The following PDE11A variants were observed in gnomAD, a reference collection of about 807,000 sequenced individuals.
The protein encoded by PDE11A is dual 3',5'-cyclic-AMP and -GMP phosphodiesterase 11A.
PDE11A carries 100 observed loss-of-function variants against 100.5 expected under a neutral mutation model. The ratio of observed to expected loss-of-function variants is 1.00; its 90% confidence interval spans 0.85 to 1.18. The LOEUF (loss-of-function observed/expected upper bound fraction) is 1.18. Among genes scored for constraint, PDE11A ranks in the 50% most tolerant of loss-of-function variants. PDE11A has a pLI of 0.00. For synonymous variants in PDE11A, 381 were observed against 420.8 expected, an observed-to-expected ratio of 0.91 and a Z score of 1.16; for missense variants, 1,141 against 1,152.6, an observed-to-expected ratio of 0.99 and a Z score of 0.15.
At chr2:177,746,150 C>T (rs1424260227) in intron 10 of PDE11A, among the ~76,000 whole-genome samples, 1 of 152,146 alleles carries the variant, frequency 6.6e-6, no homozygotes, top group Non-Finnish European at 1.5e-5. Context: ...ATCATCATCA[C>T]ATCTAAGGGT....
chr2:177,722,105 A>T (rs2081537536), intron 12 of PDE11A, among the ~76,000 whole-genome samples: 1 of 152,166 alleles, frequency 6.6e-6, no homozygotes, highest in Non-Finnish European at 1.5e-5. Flanking sequence ...GTTTACCAAC[A>T]TCATAAAAAT....
At chr2:178,085,511 C>T (rs1427322679) in intron 2 of PDE11A, among the ~76,000 whole-genome samples, 2 of 149,784 alleles carry the variant, frequency 1.3e-5, no homozygotes, top group Non-Finnish European at 3.0e-5. Context: ...TGCACATGTA[C>T]CCTATGTACC....
rs570151314 is a variant in PDE11A, at chr2:177,998,688, T to G, written c.1071+15614A>C. The G allele has an allele frequency of 3.4e-6, 4 of 1,172,512 alleles. No individual in the cohort carries two copies. In the Admixed American group the frequency reaches 6.8e-5, roughly 20 times the overall value. 72.6% of individuals were successfully genotyped at this position (1,172,512 alleles called of 1,614,324 possible). ...TTTCACACCATCCAGTATCACTTGA[T>G]AGGCATCTTTATGCTGGCCCACTCG... is the stretch of plus-strand genomic sequence containing the variant. On this transcript the variant is annotated intron_variant, in intron 2 of 19. Coordinates refer to ENST00000286063, the MANE Select transcript of PDE11A (RefSeq NM_016953.4).
intron 5 of PDE11A, among the ~76,000 whole-genome samples, chr2:177,870,066 T>TA: frequency 6.6e-6 from 1 of 152,338 alleles, no homozygotes; most frequent in East Asian, 1.9e-4. Context: ...TTTCACTTAT[T>TA]ATAAGAGCTT....
chr2:177,745,899 T>C (rs1315598196), intron 10 of PDE11A, among the ~76,000 whole-genome samples: 1 of 151,938 alleles, frequency 6.6e-6, no homozygotes, highest in African/African-American at 2.4e-5. Context: ...GCCCAAGAGG[T>C]CCTCTGCTGA....
chr2:178,052,589 A>G (rs966572135), intron 1 of PDE11A, among the ~76,000 whole-genome samples: 8 of 152,214 alleles, frequency 5.3e-5, no homozygotes, highest in Non-Finnish European at 1.0e-4. Context: ...GTTTTTTGAA[A>G]AGATCAACAA....
chr2:177,669,638 T>A, intron 17 of PDE11A, 71 bp from the exon 18 acceptor site: 1 of 794,842 alleles, frequency 1.3e-6, no homozygotes, highest in Non-Finnish European at 2.3e-6. Context: ...TCTTTCTTGC[T>A]TATGTATTTG....
intron 2 of PDE11A, among the ~76,000 whole-genome samples, chr2:177,949,998 T>G (rs2085487496): frequency 7.5e-6 from 1 of 133,058 alleles, no homozygotes; most frequent in East Asian, 2.6e-4. Flanking sequence ...GTTGAGAACA[T>G]GATATAACAG....
At chr2:177,785,550 A>C (rs6747137) in intron 9 of PDE11A, among the ~76,000 whole-genome samples, 5,060 of 146,280 alleles carry the variant, frequency 0.035, 293 homozygotes, top group African/African-American at 0.12. Flanking sequence ...CAGTAGGTGC[A>C]GTGCACCATG....
intron 2 of PDE11A, among the ~76,000 whole-genome samples, chr2:177,910,436 A>C (rs549133714): frequency 0.013 from 1,954 of 150,940 alleles, 39 homozygotes; most frequent in African/African-American, 0.044. Flanking sequence ...CTCTATATAT[A>C]TATATATATA....
intron 9 of PDE11A, among the ~76,000 whole-genome samples, chr2:177,811,865 T>C (rs988299297): frequency 3.9e-5 from 6 of 152,170 alleles, no homozygotes; most frequent in Non-Finnish European, 7.3e-5. Flanking sequence ...GGATGTTCAG[T>C]GGTGTGACCA....
intron 2 of PDE11A, among the ~76,000 whole-genome samples, chr2:177,939,739 A>G (rs1221312356): frequency 1.3e-5 from 2 of 152,238 alleles, no homozygotes; most frequent in East Asian, 1.9e-4. Flanking sequence ...GGGACTGTCT[A>G]GGACATGAGA....
At chr2:177,824,568 G>A (rs1020666943) in intron 6 of PDE11A, among the ~76,000 whole-genome samples, 3 of 152,110 alleles carry the variant, frequency 2.0e-5, no homozygotes, top group Non-Finnish European at 4.4e-5. Context: ...AGCCTAAAAA[G>A]TATAAATACA....
rs576281169 is a variant in PDE11A, at chr2:177,908,064, T to C, written c.1072-2877A>G. On this transcript the variant is annotated intron_variant, in intron 2 of 19. Coordinates refer to ENST00000286063, the MANE Select transcript of PDE11A (RefSeq NM_016953.4). ...TTAACAATGTCACCTAGATAGCAAA[T>C]GGAGAAGCTTAATTTAGAATCCAAG... Among the ~76,000 whole-genome samples the C allele has an allele frequency of 2.0e-5, 3 of 152,298 alleles. No homozygotes were observed. The East Asian group carries it at 5.8e-4, about 29-fold the overall frequency.
intron 1 of PDE11A, among the ~76,000 whole-genome samples, chr2:178,045,742 C>T (rs1175086059): frequency 3.9e-5 from 6 of 152,230 alleles, no homozygotes; most frequent in Non-Finnish European, 8.8e-5. Flanking sequence ...TTGTTCCAAA[C>T]TCTCCAAACC....
chr2:177,985,674 A>G (rs2085931194), intron 2 of PDE11A, among the ~76,000 whole-genome samples: 2 of 152,248 alleles, frequency 1.3e-5, no homozygotes, highest in Admixed American at 6.5e-5. Context: ...TGCACTGTGT[A>G]TCTCACTGAA....
intron 1 of PDE11A, among the ~76,000 whole-genome samples, chr2:178,016,398 A>G (rs1328162599): frequency 6.6e-6 from 1 of 152,044 alleles, no homozygotes; most frequent in Admixed American, 6.6e-5. Context: ...AAACCCAAAC[A>G]AAACCAAATC....
chr2:177,641,262 T>C (rs1559122265), intron 19 of PDE11A, among the ~76,000 whole-genome samples: 2 of 152,058 alleles, frequency 1.3e-5, no homozygotes, highest in African/African-American at 2.4e-5. Flanking sequence ...TAAGAGAGAA[T>C]GAAATCCAGA....
At chr2:177,807,976 GA>G (rs2082897551) in intron 9 of PDE11A, among the ~76,000 whole-genome samples, 2 of 152,132 alleles carry the variant, frequency 1.3e-5, no homozygotes, top group African/African-American at 4.8e-5. Context: ...GGGTAGGTGA[GA>G]AAACATTAAT....
Sources: allele counts gnomAD v4.1 joint callset (sites outside exome capture counted in the v4.1 genomes callset), GRCh38; gene constraint gnomAD v4.1.1; transcripts MANE v1.5; gene names NCBI Gene and HGNC (gene_info 2026-07-23, HGNC 2026-07-21).